Variants in HDAC4 observed in about 807,000 individuals in gnomAD.
HDAC4 encodes the protein histone deacetylase A.
A neutral mutation model predicts 135.1 loss-of-function variants in HDAC4; 16 were observed. That is an observed-to-expected ratio of 0.12 (90% CI 0.08 to 0.18). The LOEUF (loss-of-function observed/expected upper bound fraction) is 0.18, where lower values mean the gene tolerates loss of function less well. Among genes scored for constraint, HDAC4 ranks in the 10% least tolerant of loss-of-function variants. The pLI is 1.00. For synonymous variants in HDAC4, 685 were observed against 653.4 expected, an observed-to-expected ratio of 1.05 and a Z score of -0.74; for missense variants, 1,143 against 1,511.8, an observed-to-expected ratio of 0.76 and a Z score of 4.05.
At chr2:239,248,762 A>T (rs917377532) in intron 2 of HDAC4, among the ~76,000 whole-genome samples, 2 of 152,196 alleles carry the variant, frequency 1.3e-5, no homozygotes, top group Non-Finnish European at 2.9e-5. Flanking sequence ...GGAGATGATA[A>T]AGACCATCCT....
At chr2:239,237,956 G>C (rs1329623940) in intron 2 of HDAC4, among the ~76,000 whole-genome samples, 1 of 152,228 alleles carries the variant, frequency 6.6e-6, no homozygotes, top group East Asian at 1.9e-4. Flanking sequence ...AGGCAAAACA[G>C]TTCTGCTTCC....
Position 239,400,343 on chromosome 2 carries a change from CCCCCGCCCTCACTCCCGGCGGCCCGG to C in HDAC4, c.-220+609_-220+634del, listed in dbSNP as rs1369194453. On this transcript the variant is annotated intron_variant, in intron 1 of 26. Transcript: ENST00000543185. This position sits in a 1 kb window ranked among gnomAD's most constrained non-coding sequence, Gnocchi z 4.7. ...CCCGGCCGGCCCCGGCGCCCGCCCGCCCCCGCCCTCACTCCCGGCGGCCCGGAGCCCACCTGCTCGGGGGGCGCGGG... is the reference window on the plus strand; with the variant it reads ...CCCGGCCGGCCCCGGCGCCCGCCCGCAGCCCACCTGCTCGGGGGGCGCGGG... The C allele has an allele frequency of 3.4e-5, 5 of 149,020 alleles. No homozygotes were observed. The highest frequency in any genetic ancestry group is 7.5e-5 in the Non-Finnish European group (5 of 66,802). 9.2% of individuals were successfully genotyped at this position (149,020 alleles called of 1,614,324 possible).
chr2:239,054,096 G>A (rs969336954), intron 25 of HDAC4, among the ~76,000 whole-genome samples: 2 of 152,042 alleles, frequency 1.3e-5, no homozygotes, highest in Admixed American at 6.5e-5. Context: ...CCTGGCCCAG[G>A]GTCAGCTTCA....
At chr2:239,270,243 A>G (rs1402751182) in intron 2 of HDAC4, among the ~76,000 whole-genome samples, 1 of 152,328 alleles carries the variant, frequency 6.6e-6, no homozygotes, top group Admixed American at 6.5e-5. Context: ...ATGTGTAAAA[A>G]TGAATGGATG....
chr2:239,196,665 G>C (rs2045404140), intron 3 of HDAC4, among the ~76,000 whole-genome samples: 1 of 152,180 alleles, frequency 6.6e-6, no homozygotes, highest in Admixed American at 6.5e-5. Flanking sequence ...ACATCTGGCA[G>C]GGCAGTCATG....
At chr2:239,127,974 A>G (rs552413611) in intron 11 of HDAC4, among the ~76,000 whole-genome samples, 1 of 152,364 alleles carries the variant, frequency 6.6e-6, no homozygotes, top group South Asian at 2.1e-4. Flanking sequence ...TCTAAATTTA[A>G]GAAATACTAC....
At chr2:239,179,613 G>A (rs540936334) in intron 4 of HDAC4, among the ~76,000 whole-genome samples, 6 of 152,336 alleles carry the variant, frequency 3.9e-5, no homozygotes, top group African/African-American at 1.4e-4. Flanking sequence ...CAAAAAGGTC[G>A]GGACCGATTG....
chr2:239,057,171 G>A (rs1191897705), intron 24 of HDAC4, among the ~76,000 whole-genome samples: 1 of 152,186 alleles, frequency 6.6e-6, no homozygotes, highest in African/African-American at 2.4e-5. Flanking sequence ...GTTTTCTGAG[G>A]GGGGATATGA....
At chr2:239,370,961 C>T (rs1291452129) in intron 1 of HDAC4, among the ~76,000 whole-genome samples, 2 of 149,110 alleles carry the variant, frequency 1.3e-5, no homozygotes, top group Non-Finnish European at 3.0e-5. Context: ...TGCTCTAACC[C>T]TCTGCCCTTT....
At chr2:239,360,734 G>A (rs1693811166) in intron 1 of HDAC4, among the ~76,000 whole-genome samples, 1 of 151,884 alleles carries the variant, frequency 6.6e-6, no homozygotes, top group Non-Finnish European at 1.5e-5. Flanking sequence ...ACTAGACAGG[G>A]AGCGGGGACA....
chr2:239,082,070 TC>T (rs747678970), intron 21 of HDAC4, 31 bp downstream of exon 21: 23 of 1,612,292 alleles, frequency 1.4e-5, no homozygotes, highest in Non-Finnish European at 1.8e-5. Context: ...AGTCCCCCTT[TC>T]CCCCCAGAGG....
At chr2:239,092,494 TG>T (rs1419811987) in intron 17 of HDAC4, among the ~76,000 whole-genome samples, 3 of 152,190 alleles carry the variant, frequency 2.0e-5, no homozygotes, top group Non-Finnish European at 4.4e-5. Context: ...AAGGGTCTTC[TG>T]GGGATTCTGC....
intron 6 of HDAC4, among the ~76,000 whole-genome samples, chr2:239,158,956 C>G (rs575142663): frequency 6.6e-6 from 1 of 151,968 alleles, no homozygotes; most frequent in Non-Finnish European, 1.5e-5. Context: ...CACTCACATC[C>G]GCACATCACA....
chr2:239,290,688 A>G (rs1242749261), intron 2 of HDAC4, among the ~76,000 whole-genome samples: 5 of 152,076 alleles, frequency 3.3e-5, no homozygotes, highest in Non-Finnish European at 7.4e-5. Context: ...TCGCACGCGC[A>G]TGCACACACA....
chr2:239,152,442 G>A (rs371648290), intron 7 of HDAC4, among the ~76,000 whole-genome samples: 1 of 152,242 alleles, frequency 6.6e-6, no homozygotes, highest in East Asian at 1.9e-4. Context: ...GCCGAAATCT[G>A]GCGGGAGGTG....
At chr2:239,106,831 T>C (rs1258515589) in intron 15 of HDAC4, among the ~76,000 whole-genome samples, 1 of 152,140 alleles carries the variant, frequency 6.6e-6, no homozygotes, top group African/African-American at 2.4e-5. Flanking sequence ...ACGTGCTCAC[T>C]CATCTCTGCC....
At chr2:239,172,646 A>G (rs969737479) in intron 5 of HDAC4, among the ~76,000 whole-genome samples, 1 of 152,148 alleles carries the variant, frequency 6.6e-6, no homozygotes, top group Admixed American at 6.5e-5. Context: ...AAATAAAAAT[A>G]CTAGAAATTA....
Position 239,139,119 on chromosome 2 carries a change from C to T in HDAC4, c.978+565G>A, listed in dbSNP as rs2041172271. Among the ~76,000 whole-genome samples, 1 of 152,234 alleles carries T rather than the reference C, an allele frequency of 6.6e-6. No individual in the cohort carries two copies. Among genetic ancestry groups the T allele is most frequent in the African/African-American group, 2.4e-5 (1 of 41,456 alleles). On this transcript the variant is annotated intron_variant, in intron 9 of 26. Coordinates refer to ENST00000543185, the MANE Select transcript of HDAC4 (RefSeq NM_001378414.1). This position sits in a 1 kb window ranked among gnomAD's most constrained non-coding sequence, Gnocchi z 5.3. ...TCTGAGATGCCTGGTTCCCGTGATGCCTGGAAAAGTTCCCCGCTCTGTGGC... is the reference window on the plus strand; with the variant it reads ...TCTGAGATGCCTGGTTCCCGTGATGTCTGGAAAAGTTCCCCGCTCTGTGGC...
chr2:239,385,009 G>A (rs35514273), intron 1 of HDAC4, among the ~76,000 whole-genome samples: 9,655 of 152,162 alleles, frequency 0.063, 637 homozygotes, highest in African/African-American at 0.17. Flanking sequence ...ACAGAACTGC[G>A]GACATTTTGT....
Sources: gnomAD v4.1 joint callset for allele counts (sites outside exome capture counted in the v4.1 genomes callset) on GRCh38, gnomAD v4.1.1 for gene constraint, Gnocchi (gnomAD v3.1) non-coding constraint, MANE v1.5 for transcripts, NCBI Gene and HGNC (gene_info 2026-07-23, HGNC 2026-07-21) for gene names.